The following ATRNL1 variants were observed in gnomAD, a reference collection of about 807,000 sequenced individuals.
ATRNL1 encodes attractin-like protein 1.
Under a neutral mutation model 182.7 loss-of-function variants are expected in ATRNL1, and 95 were observed. That is an observed-to-expected ratio of 0.52 (90% CI 0.44 to 0.62). The LOEUF (loss-of-function observed/expected upper bound fraction) is 0.62, where lower values mean the gene tolerates loss of function less well. ATRNL1 is among the 20% of genes least tolerant of loss of function. The probability of loss-of-function intolerance (pLI) is 0.00; values close to 1 mark genes in which losing one functional copy is unlikely to be tolerated. For missense variants in ATRNL1, 1,471 were observed against 1,679.5 expected, an observed-to-expected ratio of 0.88 and a Z score of 2.17; for synonymous variants, 576 against 568.3, an observed-to-expected ratio of 1.01 and a Z score of -0.19.
chr10:115,300,849 T>C (rs1396436464), intron 16 of ATRNL1, among the ~76,000 whole-genome samples: 6 of 152,140 alleles, frequency 3.9e-5, no homozygotes, highest in Middle Eastern at 3.2e-3. Context: ...CTTTTTCATT[T>C]TGCAAAACTA....
intron 1 of ATRNL1, among the ~76,000 whole-genome samples, chr10:115,098,909 A>G (rs2085089055): frequency 6.6e-6 from 1 of 152,228 alleles, no homozygotes; most frequent in Non-Finnish European, 1.5e-5. Context: ...CAAAATTTTT[A>G]AGAGATTGAG....
chr10:115,767,245 A>T (rs1555075268), intron 27 of ATRNL1, among the ~76,000 whole-genome samples: 1 of 152,082 alleles, frequency 6.6e-6, no homozygotes, highest in African/African-American at 2.4e-5. Context: ...TTCTCCTCCT[A>T]ACTGAACAAG....
At chr10:115,463,383 A>T (rs1418155526) in intron 22 of ATRNL1, among the ~76,000 whole-genome samples, 1 of 152,098 alleles carries the variant, frequency 6.6e-6, no homozygotes, top group Non-Finnish European at 1.5e-5. Flanking sequence ...TTTGTTTCAA[A>T]TACAAGCCGT....
At chr10:115,422,083 A>G (rs1845675501) in intron 20 of ATRNL1, among the ~76,000 whole-genome samples, 1 of 152,192 alleles carries the variant, frequency 6.6e-6, no homozygotes, top group Non-Finnish European at 1.5e-5. Flanking sequence ...ACCCAAAACT[A>G]TAAAAACCCT....
rs1193977877 is a variant in ATRNL1 at position 115,102,315 on chromosome 10, C to T, written c.293+8272C>T. Among the ~76,000 whole-genome samples, 6 of 152,052 alleles carry T rather than the reference C, an allele frequency of 3.9e-5. No homozygotes were observed. The East Asian group carries it at 5.8e-4, about 15-fold the overall frequency. On this transcript the variant is annotated intron_variant, in intron 1 of 28. Transcript: ENST00000355044. The stretch of plus-strand genomic sequence containing the variant: ...GTACCTTTATTGAAAGTTAATTGGA[C>T]GTCTTTATGTATATTTATTTTTTGA...
intron 20 of ATRNL1, 114 bp from the exon 21 acceptor site, chr10:115,426,136 G>T: frequency 5.7e-6 from 4 of 698,370 alleles, no homozygotes; most frequent in Admixed American, 5.6e-5. Context: ...TCAAATAATG[G>T]TATAGTTTTA....
intron 14 of ATRNL1, 107 bp downstream of exon 14, chr10:115,281,594 G>A (rs1454778805): frequency 2.6e-6 from 3 of 1,142,694 alleles, no homozygotes; most frequent in Non-Finnish European, 3.7e-6. Context: ...TAAAGTCATA[G>A]TAAATATCAA....
rs781805503 is a variant in ATRNL1, at chr10:115,093,978, C to A, written c.228C>A (p.Asn76Lys). ...CCTGCTTCTCGGGCCGCTGTGTCAA[C>A]TCCACCTGCCTCTGCGACCCGGGCT... is the stretch of plus-strand genomic sequence containing the variant. ...TGSCFSGRCV[N>K]STCLCDPGWV... is the part of the protein sequence containing the mutation. Residue 76 changes from asparagine (N) to lysine (K), a missense_variant, in exon 1 of 29, where the codon AAC becomes AAA. This residue lies in a region of ATRNL1 where 1,031 missense variants were observed against 1,156.0 expected (regional missense o/e 0.89). Coordinates refer to ENST00000355044, the MANE Select transcript of ATRNL1 (RefSeq NM_207303.4). The surrounding 1 kb of genome is among the most constrained non-coding windows in gnomAD (Gnocchi z 6.1). The A allele has an allele frequency of 6.3e-7, 1 of 1,584,510 alleles. No homozygotes were observed. The highest frequency in any genetic ancestry group is 8.6e-7 in the Non-Finnish European group (1 of 1,167,354).
chr10:115,564,774 T>C (rs1853973303), intron 26 of ATRNL1, among the ~76,000 whole-genome samples: 1 of 151,976 alleles, frequency 6.6e-6, no homozygotes, highest in South Asian at 2.1e-4. Flanking sequence ...TCTGAAGTTA[T>C]TTTATACATA....
intron 26 of ATRNL1, among the ~76,000 whole-genome samples, chr10:115,561,093 A>T (rs1853678002): frequency 6.6e-6 from 1 of 152,186 alleles, no homozygotes; most frequent in Non-Finnish European, 1.5e-5. Flanking sequence ...ATCTTTCAGA[A>T]TCTTCTTAGA....
chr10:115,195,306 C>A (rs191240090), intron 8 of ATRNL1, among the ~76,000 whole-genome samples: 2 of 152,000 alleles, frequency 1.3e-5, no homozygotes, highest in Non-Finnish European at 2.9e-5. Context: ...TTGATGAAAT[C>A]CTTTGGTTTT....
intron 26 of ATRNL1, among the ~76,000 whole-genome samples, chr10:115,563,617 T>G (rs1555000496): frequency 6.6e-6 from 1 of 152,196 alleles, no homozygotes; most frequent in Non-Finnish European, 1.5e-5. Flanking sequence ...ACAAAATAAT[T>G]TTATTGTGAT....
intron 27 of ATRNL1, among the ~76,000 whole-genome samples, chr10:115,816,615 GACACACAC>G (rs35920402): frequency 2.7e-5 from 4 of 150,132 alleles, no homozygotes; most frequent in African/African-American, 7.3e-5. Flanking sequence ...GACACACACA[GACACACAC>G]ACACACACAC....
At chr10:115,352,070 C>T (rs939683834) in intron 19 of ATRNL1, among the ~76,000 whole-genome samples, 2 of 151,964 alleles carry the variant, frequency 1.3e-5, no homozygotes, top group Non-Finnish European at 2.9e-5. Flanking sequence ...GGAATTTATA[C>T]TTGTCTCCCA....
At chr10:115,674,617 A>G (rs954167028) in intron 26 of ATRNL1, among the ~76,000 whole-genome samples, 26 of 152,108 alleles carry the variant, frequency 1.7e-4, no homozygotes, top group Admixed American at 7.9e-4. Context: ...AAATTTTTGT[A>G]AGTACTTAAC....
chr10:115,640,551 G>C (rs1174134726), intron 26 of ATRNL1, among the ~76,000 whole-genome samples: 1 of 152,066 alleles, frequency 6.6e-6, no homozygotes, highest in East Asian at 1.9e-4. Flanking sequence ...TTTTTCATAC[G>C]TTTGTTGGCC....
chr10:115,111,683 G>A lies in ATRNL1; in HGVS notation c.294-8502G>A, dbSNP rs140813595. 5.3e-5 allele frequency among the ~76,000 whole-genome samples: 8 copies of A among 152,218 alleles called. No individual in the cohort carries two copies. The East Asian group carries it at 1.4e-3, about 26-fold the overall frequency. Reference sequence around the variant, plus strand: ...CCATGACCCAAACTCTTCTCAGTAGGCCTCACCTCTGACATTAGGGATCAA... The same window carrying A: ...CCATGACCCAAACTCTTCTCAGTAGACCTCACCTCTGACATTAGGGATCAA... On this transcript the variant is annotated intron_variant, in intron 1 of 28. Coordinates refer to ENST00000355044, the MANE Select transcript of ATRNL1 (RefSeq NM_207303.4).
chr10:115,118,939 A>C (rs1844606813), intron 1 of ATRNL1, among the ~76,000 whole-genome samples: 1 of 152,114 alleles, frequency 6.6e-6, no homozygotes, highest in South Asian at 2.1e-4. Context: ...AGGGCAAGTT[A>C]TTTAACTTGT....
intron 26 of ATRNL1, among the ~76,000 whole-genome samples, chr10:115,697,235 C>A (rs1946592861): frequency 6.6e-6 from 1 of 152,100 alleles, no homozygotes; most frequent in South Asian, 2.1e-4. Flanking sequence ...CCTTTGCCCA[C>A]TTTTTAGTGT....
Sources: gnomAD v4.1 joint callset for allele counts (sites outside exome capture counted in the v4.1 genomes callset) on GRCh38, gnomAD v4.1.1 for gene constraint, gnomAD v4.1.1 regional missense constraint, Gnocchi (gnomAD v3.1) non-coding constraint, MANE v1.5 for transcripts, NCBI Gene and HGNC (gene_info 2026-07-23, HGNC 2026-07-21) for gene names.